The following RNF114 variants were observed in gnomAD, a reference collection of about 807,000 sequenced individuals.
RNF114 encodes the protein ring finger protein 114, also known as E3 ubiquitin-protein ligase RNF114.
In RNF114, 6 loss-of-function variants were observed where a neutral mutation model predicts 28.4. The observed-to-expected ratio is 0.21, with a 90% CI of 0.12 to 0.42. The LOEUF (loss-of-function observed/expected upper bound fraction) is 0.42, where lower values mean the gene tolerates loss of function less well. RNF114 is among the 10% of genes least tolerant of loss of function. The pLI, the probability that RNF114 is intolerant of heterozygous loss-of-function variation, is 1.00. For missense variants in RNF114, 249 were observed against 311.7 expected (o/e 0.80, Z 1.51); for synonymous variants, 115 against 116.7 (o/e 0.99, Z 0.09).
chr20:49,943,663 T>C (rs1600869652), intron 2 of RNF114, among the ~76,000 whole-genome samples: 1 of 134,290 alleles, frequency 7.4e-6, no homozygotes. Context: ...TTTTTTTTTT[T>C]TTTTTTTTTT....
At chr20:49,941,116 T>C (rs1356989479) in intron 1 of RNF114, 2 of 154,274 alleles carry the variant, frequency 1.3e-5, no homozygotes, top group African/African-American at 2.4e-5. Flanking sequence ...GCGCTTTGCC[T>C]TCACCTGTAA....
chr20:49,951,110 A>G (rs1043410295), intron 5 of RNF114, among the ~76,000 whole-genome samples: 3 of 152,128 alleles, frequency 2.0e-5, no homozygotes, highest in Non-Finnish European at 4.4e-5. Context: ...ACTTACATAT[A>G]TAGATGTCAA....
intron 2 of RNF114, 133 bp from the exon 3 acceptor site, chr20:49,945,249 G>A (rs1248310993): frequency 2.0e-5 from 12 of 608,388 alleles, no homozygotes; most frequent in Admixed American, 1.4e-4. Flanking sequence ...CCCCATCAGC[G>A]TAGTCAGGAG....
intron 1 of RNF114, 80 bp downstream of exon 1, chr20:49,936,632 G>T: frequency 1.3e-6 from 2 of 1,505,328 alleles, no homozygotes; most frequent in Non-Finnish European, 8.9e-7. Flanking sequence ...GGGTCTCAGG[G>T]CGGGAGCCAG....
At chr20:49,941,796 T>A (rs2090309108) in intron 2 of RNF114, 85 bp downstream of exon 2, 1 of 1,481,152 alleles carries the variant, frequency 6.8e-7, no homozygotes, top group Non-Finnish European at 9.2e-7. Context: ...TTGCTGAAGT[T>A]AGAGCATGAC....
At chr20:49,949,505 G>A in intron 5 of RNF114, 150 bp downstream of exon 5, 1 of 678,266 alleles carries the variant, frequency 1.5e-6, no homozygotes, top group South Asian at 1.8e-5. Flanking sequence ...CAGTGATAAA[G>A]GGGATTGACA....
intron 2 of RNF114, among the ~76,000 whole-genome samples, chr20:49,942,827 G>GA (rs1217241726): frequency 5.3e-5 from 8 of 151,030 alleles, no homozygotes; most frequent in South Asian, 4.2e-4. Context: ...CTGTCTCAAG[G>GA]AAAAAAAAAG....
chr20:49,941,156 T>C (rs1386516692), intron 1 of RNF114: 10 of 159,292 alleles, frequency 6.3e-5, no homozygotes, highest in Non-Finnish European at 1.2e-4. Flanking sequence ...TGGTGCGTTT[T>C]GTAAGGGCTG....
chr20:49,941,781 T>A (rs2090309061), intron 2 of RNF114, 70 bp downstream of exon 2: 1 of 1,540,010 alleles, frequency 6.5e-7, no homozygotes, highest in African/African-American at 1.4e-5. Context: ...ACAGCTGCCA[T>A]GTTGTTGCTG....
chr20:49,949,224 A>G, intron 4 of RNF114, 24 bp from the exon 5 acceptor site: 4 of 1,604,406 alleles, frequency 2.5e-6, no homozygotes, highest in African/African-American at 1.3e-5. Flanking sequence ...TTGGGTGCCT[A>G]AGACCTTGCT....
In RNF114 at chr20:49,953,009, A is replaced by C. The variant is rs558458152; in HGVS notation, c.*868A>C. The C allele has an allele frequency of 6.6e-6, 1 of 152,344 alleles. No individual in the cohort carries two copies. Among genetic ancestry groups the C allele is most frequent in the Admixed American group, 6.5e-5 (1 of 15,286 alleles). The allele number at this position is 152,344 out of a possible 1,614,324, so 9.4% of individuals were successfully genotyped here. On this transcript the variant is annotated 3_prime_UTR_variant, in exon 6 of 6. Transcript: ENST00000244061. Reference sequence around the variant, plus strand: ...ACATTCTTGTTCTAGAAGCACAAAAAATCCTCAGATGAATTAGAAGAAAGA... The same window carrying C: ...ACATTCTTGTTCTAGAAGCACAAAACATCCTCAGATGAATTAGAAGAAAGA...
At position 49,946,261 on chromosome 20, in the gene RNF114, T is replaced by G. The variant is rs1416155847; in HGVS notation, c.513+11T>G. The G allele has an allele frequency of 2.8e-6, 1 of 355,576 alleles. No individual in the cohort carries two copies. 22.0% of individuals were successfully genotyped at this position (355,576 alleles called of 1,614,324 possible). On this transcript the variant is annotated intron_variant, in intron 4 of 5. Coordinates refer to ENST00000244061, the MANE Select transcript of RNF114 (RefSeq NM_018683.4). ...GATACCAAATCTGTGGTGAGTAACC[T>G]TTTTTTTTTTTTTTAAACTTCATTA...
rs754631150 is a variant in RNF114 at position 49,941,688 on chromosome 20, T to A, written c.268T>A (p.Ser90Thr). The change falls in exon 2 of 6, where the codon TCT (serine) becomes ACT (threonine). Residue 90 changes from serine (S) to threonine (T), a missense_variant. Physicochemically the swap from Ser to Thr is moderately conservative, Grantham distance 58. Coordinates refer to ENST00000244061, the MANE Select transcript of RNF114 (RefSeq NM_018683.4). ...LERQIESTET[S>T]CHGCRKNFFL... ...GCGGCAGATCGAGAGCACAGAGACT[T>A]CTTGCCATGGCTGCCGTAAGAATGT... 2.9e-5 allele frequency: 47 copies of A among 1,611,928 alleles called. No individual in the cohort carries two copies. Among genetic ancestry groups the A allele is most frequent in the Non-Finnish European group, 4.0e-5 (47 of 1,179,560 alleles).
chr20:49,952,524 C>A lies in RNF114; in HGVS notation c.*383C>A. On this transcript the variant is annotated 3_prime_UTR_variant, in exon 6 of 6. Transcript: ENST00000244061. ...AAGCCAGCCAGGACCTTTTCTGGGT[C>A]ATGAATAGCACAATGAAGCAAGTGT... is the stretch of plus-strand genomic sequence containing the variant. The A allele has an allele frequency of 2.5e-6, 1 of 398,150 alleles. No individual in the cohort carries two copies. Among genetic ancestry groups the A allele is most frequent in the South Asian group, 6.5e-5 (1 of 15,410 alleles). The allele number at this position is 398,150 out of a possible 1,614,324, so 24.7% of individuals were successfully genotyped here.
intron 2 of RNF114, chr20:49,943,962 T>C (rs2090318845): frequency 6.6e-6 from 1 of 151,022 alleles, no homozygotes; most frequent in Non-Finnish European, 1.5e-5. Context: ...TCTCCTGACC[T>C]CGTGACCCGC....
intron 2 of RNF114, among the ~76,000 whole-genome samples, chr20:49,942,826 G>C (rs1286110762): frequency 6.6e-6 from 1 of 151,658 alleles, no homozygotes; most frequent in African/African-American, 2.4e-5. Context: ...CCTGTCTCAA[G>C]GAAAAAAAAA....
chr20:49,952,206 C>T lies in RNF114; in HGVS notation c.*65C>T. 2 of 1,369,080 alleles carry T rather than the reference C, an allele frequency of 1.5e-6. No individual in the cohort carries two copies. The highest frequency in any genetic ancestry group is 2.1e-6 in the Non-Finnish European group (2 of 956,498). 84.8% of individuals were successfully genotyped at this position (1,369,080 alleles called of 1,614,324 possible). Reference sequence around the variant, plus strand: ...TTCCATTACATATTAAACGTGAAATCTATGACTCCTGTACCTTACCTGTTC... The same window carrying T: ...TTCCATTACATATTAAACGTGAAATTTATGACTCCTGTACCTTACCTGTTC... On this transcript the variant is annotated 3_prime_UTR_variant, in exon 6 of 6. Coordinates refer to ENST00000244061, the MANE Select transcript of RNF114 (RefSeq NM_018683.4).
intron 3 of RNF114, 113 bp downstream of exon 3, chr20:49,945,601 A>G: frequency 1.5e-6 from 1 of 652,490 alleles, no homozygotes. Context: ...AAGCTGATAC[A>G]AGTATTTTGG....
chr20:49,952,355 C>G lies in RNF114; in HGVS notation c.*214C>G, dbSNP rs1218706317. The G allele has an allele frequency of 1.8e-6, 1 of 559,520 alleles. No individual in the cohort carries two copies. The highest frequency in any genetic ancestry group is 1.9e-5 in the African/African-American group (1 of 53,482). 34.7% of individuals were successfully genotyped at this position (559,520 alleles called of 1,614,324 possible). Reference sequence around the variant, plus strand: ...CAAAGCTGTCTTCCCCTACTGTTAACCTTGTTTGTCACACGGTCGAGTTCG... The same window carrying G: ...CAAAGCTGTCTTCCCCTACTGTTAAGCTTGTTTGTCACACGGTCGAGTTCG... On this transcript the variant is annotated 3_prime_UTR_variant, in exon 6 of 6. Transcript: ENST00000244061.
Sources: allele counts gnomAD v4.1 joint callset (sites outside exome capture counted in the v4.1 genomes callset), GRCh38; gene constraint gnomAD v4.1.1; transcripts MANE v1.5; gene names NCBI Gene and HGNC (gene_info 2026-07-23, HGNC 2026-07-21).